The following CDH26 variants were observed in gnomAD, a reference collection of about 807,000 sequenced individuals.
CDH26 encodes cadherin 26, also known as cadherin-like protein 26.
In CDH26, 83 loss-of-function variants were observed where a neutral mutation model predicts 90.3. The ratio of observed to expected loss-of-function variants is 0.92; its 90% confidence interval spans 0.77 to 1.10. The LOEUF (loss-of-function observed/expected upper bound fraction) is 1.10, where lower values mean the gene tolerates loss of function less well. CDH26 is among the 50% of genes least tolerant of loss of function. The pLI is 0.00. For synonymous variants in CDH26, 397 were observed against 396.3 expected (o/e 1.00, Z -0.02); for missense variants, 1,013 against 1,037.6 (o/e 0.98, Z 0.33).
rs764961485 is a variant in CDH26, at chr20:60,006,804, T to C, written c.2295+17T>C. Reference sequence around the variant, plus strand: ...TTGAATCAGGTAGGGAGAGCTCCCCTTGTGCTGTGCACTAGCTATGGGTTT... The same window carrying C: ...TTGAATCAGGTAGGGAGAGCTCCCCCTGTGCTGTGCACTAGCTATGGGTTT... On this transcript the variant is annotated intron_variant, in intron 17 of 17. Transcript: ENST00000348616. 4 of 1,600,860 alleles carry C rather than the reference T, an allele frequency of 2.5e-6. No homozygotes were observed. The highest frequency in any genetic ancestry group is 1.1e-5 in the South Asian group (1 of 90,814).
intron 4 of CDH26, among the ~76,000 whole-genome samples, chr20:59,981,515 G>A (rs1037835373): frequency 2.6e-5 from 4 of 152,102 alleles, no homozygotes; most frequent in African/African-American, 9.7e-5. Context: ...CTGGTTTATA[G>A]AAATATAGCT....
At chr20:59,964,982 GCAAGAACTACA>G in intron 1 of CDH26, among the ~76,000 whole-genome samples, 1 of 152,258 alleles carries the variant, frequency 6.6e-6, no homozygotes, top group Non-Finnish European at 1.5e-5. Flanking sequence ...TTTATCTTTT[GCAAGAACTACA>G]ATTTTCTCCA....
intron 11 of CDH26, among the ~76,000 whole-genome samples, chr20:59,995,056 G>A (rs563944245): frequency 2.6e-4 from 40 of 152,334 alleles, no homozygotes; most frequent in African/African-American, 9.1e-4. Context: ...GCCTCTAGCC[G>A]TGGCGTCTGT....
At chr20:59,987,257 G>C (rs1186024620) in intron 7 of CDH26, among the ~76,000 whole-genome samples, 196 bp from the exon 8 acceptor site, 1 of 152,224 alleles carries the variant, frequency 6.6e-6, no homozygotes, top group East Asian at 1.9e-4. Context: ...ACCTTCTGCT[G>C]TAACAGACGG....
At chr20:59,982,682 C>T (rs757366071) in intron 4 of CDH26, among the ~76,000 whole-genome samples, 2 of 152,168 alleles carry the variant, frequency 1.3e-5, no homozygotes, top group Admixed American at 6.5e-5. Flanking sequence ...AATAACTGAT[C>T]ATTTTTTTCC....
chr20:59,978,096 A>G (rs185000906), intron 4 of CDH26, among the ~76,000 whole-genome samples: 6 of 152,280 alleles, frequency 3.9e-5, no homozygotes, highest in African/African-American at 1.4e-4. Context: ...TTCATTGTAT[A>G]ATATTCTATT....
intron 7 of CDH26, among the ~76,000 whole-genome samples, 156 bp from the exon 8 acceptor site, chr20:59,987,297 A>C (rs1310519059): frequency 1.3e-5 from 2 of 152,190 alleles, no homozygotes; most frequent in African/African-American, 4.8e-5. Flanking sequence ...CAGGTTTAGC[A>C]GCATGAGGAA....
intron 3 of CDH26, among the ~76,000 whole-genome samples, chr20:59,971,440 A>G (rs1474853735): frequency 6.6e-6 from 1 of 152,244 alleles, no homozygotes; most frequent in Non-Finnish European, 1.5e-5. Flanking sequence ...AGGCCCACTC[A>G]TTCTAAGCTC....
chr20:59,959,916 T>G (rs2061045702), intron 1 of CDH26, among the ~76,000 whole-genome samples: 1 of 152,228 alleles, frequency 6.6e-6, no homozygotes, highest in Non-Finnish European at 1.5e-5. Context: ...GAGGTAATGT[T>G]GCATGCGCTT....
At chr20:60,011,164 G>A (rs529735187) in intron 17 of CDH26, among the ~76,000 whole-genome samples, 61 of 152,294 alleles carry the variant, frequency 4.0e-4, no homozygotes, top group African/African-American at 1.4e-3. Context: ...TAGAAATACT[G>A]CCGAGCATTT....
At chr20:60,007,974 T>C (rs1407770209) in intron 17 of CDH26, among the ~76,000 whole-genome samples, 1 of 152,140 alleles carries the variant, frequency 6.6e-6, no homozygotes, top group African/African-American at 2.4e-5. Context: ...AGAAAGCAGC[T>C]TGGGAGCTGG....
chr20:59,963,607 G>C (rs1048978357), intron 1 of CDH26, among the ~76,000 whole-genome samples: 2 of 152,074 alleles, frequency 1.3e-5, no homozygotes, highest in African/African-American at 4.8e-5. Context: ...TCCTATACTA[G>C]CACTAGCCAC....
chr20:60,010,836 G>T (rs1271776760), intron 17 of CDH26, among the ~76,000 whole-genome samples: 1 of 152,218 alleles, frequency 6.6e-6, no homozygotes, highest in Non-Finnish European at 1.5e-5. Flanking sequence ...ACACATCAGG[G>T]TGGGTGTCGA....
At chr20:60,031,450 T>G (rs1255427777) in intron 8 of CDH26, 4 of 1,067,996 alleles carry the variant, frequency 3.7e-6, no homozygotes, top group East Asian at 1.9e-4. Flanking sequence ...TATTTTTGCA[T>G]GTACTAGATT....
At chr20:59,973,061 G>A (rs1316928399) in intron 4 of CDH26, among the ~76,000 whole-genome samples, 2 of 152,198 alleles carry the variant, frequency 1.3e-5, no homozygotes, top group African/African-American at 4.8e-5. Context: ...CTGTTAAAAA[G>A]AAGGACTTTT....
intron 1 of CDH26, among the ~76,000 whole-genome samples, chr20:59,968,010 T>G: frequency 8.4e-6 from 1 of 118,580 alleles, no homozygotes; most frequent in African/African-American, 3.6e-5. Flanking sequence ...TTTCTTTCTT[T>G]CTTCCTTTCT....
chr20:59,966,214 G>C (rs2061146462), intron 1 of CDH26, among the ~76,000 whole-genome samples: 1 of 96,484 alleles, frequency 1.0e-5, no homozygotes, highest in African/African-American at 4.2e-5. Flanking sequence ...GTTCTTTCAA[G>C]TAAAATGGTG....
chr20:59,978,665 C>T (rs532601402), intron 4 of CDH26, among the ~76,000 whole-genome samples: 46 of 152,118 alleles, frequency 3.0e-4, no homozygotes, highest in African/African-American at 9.4e-4. Context: ...TGAGCCACCA[C>T]GCCCGATCTT....
rs147365285 is a variant in CDH26, at chr20:59,989,077, G to C, written c.1197G>C (p.Gln399His). 4.3e-5 allele frequency: 69 copies of C among 1,614,040 alleles called. No homozygotes were observed. Among genetic ancestry groups the C allele is most frequent in the African/African-American group, 1.3e-5 (1 of 74,876 alleles). Reference protein sequence around the residue: ...DANDPPAFHPQSFIVNKEEGA... With the variant: ...DANDPPAFHPHSFIVNKEEGA... ...ACGACCCACCAGCCTTTCACCCCCA[G>C]AGCTTCATTGTCAATAAAGAGGAGG... The change falls in exon 9 of 18, where the codon CAG becomes CAC. Residue 399 changes from glutamine to histidine, a missense_variant. Transcript: ENST00000348616.
Sources: gnomAD v4.1 joint callset for allele counts (sites outside exome capture counted in the v4.1 genomes callset) on GRCh38, gnomAD v4.1.1 for gene constraint, MANE v1.5 for transcripts, NCBI Gene and HGNC (gene_info 2026-07-23, HGNC 2026-07-21) for gene names.